Variants in DPH7 observed in about 807,000 individuals in gnomAD.
DPH7 encodes diphthine methyltransferase.
DPH7 carries 44 observed loss-of-function variants against 41.7 expected under a neutral mutation model. The ratio of observed to expected loss-of-function variants is 1.05; its 90% confidence interval spans 0.83 to 1.36. The LOEUF is 1.36. Among genes scored for constraint, DPH7 ranks in the 40% most tolerant of loss-of-function variants. The pLI, the probability that DPH7 is intolerant of heterozygous loss-of-function variation, is 0.00. For missense variants in DPH7, 629 were observed against 577.5 expected, an observed-to-expected ratio of 1.09 and a Z score of -0.91; for synonymous variants, 275 against 238.0, an observed-to-expected ratio of 1.16 and a Z score of -1.43.
intron 4 of DPH7, 182 bp from the exon 5 acceptor site, chr9:137,574,562 C>A (rs1300957113): frequency 6.0e-6 from 5 of 837,956 alleles, no homozygotes; most frequent in Non-Finnish European, 9.3e-6. Context: ...GTCGACTTCT[C>A]TAGGTAAAAA....
intron 3 of DPH7, chr9:137,575,047 C>T (rs916063663): frequency 4.4e-6 from 6 of 1,369,156 alleles, no homozygotes; most frequent in African/African-American, 1.5e-5. Flanking sequence ...GGAGCTCACA[C>T]TCCTCACACT....
At chr9:137,565,293 A>G in intron 5 of DPH7, 139 bp from the exon 6 acceptor site, 1 of 506,396 alleles carries the variant, frequency 2.0e-6, no homozygotes, top group Non-Finnish European at 3.3e-6. Context: ...GTCTGTGAGG[A>G]AGCTCCCCTG....
chr9:137,556,820 G>A lies in DPH7; in HGVS notation c.950-1172C>T, dbSNP rs1464204796. 2 of 456,610 alleles carry A rather than the reference G, an allele frequency of 4.4e-6. No individual in the cohort carries two copies. Among genetic ancestry groups the A allele is most frequent in the South Asian group, 3.1e-5 (2 of 64,566 alleles). The allele number at this position is 456,610 out of a possible 1,614,324, so 28.3% of individuals were successfully genotyped here. A position where few individuals can be genotyped will look rare whatever the true frequency, so the allele number is the denominator to read the frequency against. On this transcript the variant is annotated intron_variant, in intron 8 of 8. Transcript: ENST00000277540. This position sits in a 1 kb window ranked among gnomAD's most constrained non-coding sequence, Gnocchi z 5.2. ...CCAGCAGGACCTCTTCTACAGCTTA[G>A]GAAAAGGTAATAAGGCAGAGTCTAA...
chr9:137,555,500 G>T lies in DPH7; in HGVS notation c.1098C>A (p.Asp366Glu), dbSNP rs768613421. ...TTGGCAACTCGCTTGCACCCTTCAGGTCTGCCGTCTTGGTTCCTAGGTTGC... is the reference window on the plus strand; with the variant it reads ...TTGGCAACTCGCTTGCACCCTTCAGTTCTGCCGTCTTGGTTCCTAGGTTGC... ...FPSNLGTKTADLKGASELPTP... is the reference protein window; with the variant it reads ...FPSNLGTKTAELKGASELPTP... The change falls in exon 9 of 9, where the codon GAC (aspartate) becomes GAA (glutamate). Residue 366 changes from aspartate (D) to glutamate (E), a missense_variant. By Grantham distance (45) the Asp-to-Glu change is conservative. Coordinates refer to ENST00000277540, the MANE Select transcript of DPH7 (RefSeq NM_138778.5). The T allele has an allele frequency of 5.0e-6, 8 of 1,613,992 alleles. No individual in the cohort carries two copies. The highest frequency in any genetic ancestry group is 2.5e-6 in the Non-Finnish European group (3 of 1,180,020).
In DPH7 at chr9:137,565,210, A is replaced by G. The variant is rs981678360; in HGVS notation, c.641-56T>C. On this transcript the variant is annotated intron_variant, in intron 5 of 8. Transcript: ENST00000277540. Reference sequence around the variant, plus strand: ...CTAATGACAGGAAATGAGTGTTCTCAGTTAGGCCGTTGATGTCTGTGAGGA... The same window carrying G: ...CTAATGACAGGAAATGAGTGTTCTCGGTTAGGCCGTTGATGTCTGTGAGGA... The G allele has an allele frequency of 8.8e-6, 14 of 1,584,256 alleles. No individual in the cohort carries two copies. In the Admixed American group the frequency reaches 2.0e-4, roughly 23 times the overall value.
At position 137,556,310 on chromosome 9, in the gene DPH7, G is replaced by A. The variant is rs929606781; in HGVS notation, c.950-662C>T. The stretch of plus-strand genomic sequence containing the variant: ...GGCGTGGCCAAACCCGAGGCGATCT[G>A]GAGTCCAGGAGGCAAGGCCAGGGCT... On this transcript the variant is annotated intron_variant, in intron 8 of 8. Coordinates refer to ENST00000277540, the MANE Select transcript of DPH7 (RefSeq NM_138778.5). This position sits in a 1 kb window ranked among gnomAD's most constrained non-coding sequence, Gnocchi z 5.2. Among the ~76,000 whole-genome samples the A allele has an allele frequency of 1.3e-5, 2 of 152,232 alleles. No homozygotes were observed. The highest frequency in any genetic ancestry group is 3.8e-4 in the East Asian group (2 of 5,198).
At chr9:137,565,243 C>G in intron 5 of DPH7, 89 bp from the exon 6 acceptor site, 1 of 1,297,060 alleles carries the variant, frequency 7.7e-7, no homozygotes, top group South Asian at 1.3e-5. Context: ...GGAAGCTCCC[C>G]GGGGTGACTG....
intron 8 of DPH7, among the ~76,000 whole-genome samples, chr9:137,559,916 CTT>C (rs201576274): frequency 0.015 from 2,220 of 152,332 alleles, 66 homozygotes; most frequent in African/African-American, 0.051. Context: ...TGTCTTGTGT[CTT>C]TATTTCTACA....
intron 8 of DPH7, among the ~76,000 whole-genome samples, chr9:137,563,110 A>G (rs1838905389): frequency 6.6e-6 from 1 of 152,228 alleles, no homozygotes; most frequent in South Asian, 2.1e-4. Flanking sequence ...GCACCACCAC[A>G]CTCCAGCCTG....
At chr9:137,569,460 ACCATCCAT>A (rs1294658223) in intron 5 of DPH7, among the ~76,000 whole-genome samples, 1 of 117,628 alleles carries the variant, frequency 8.5e-6, no homozygotes, top group African/African-American at 3.3e-5. Flanking sequence ...TCACTCACCC[ACCATCCAT>A]CCATCCATCC....
chr9:137,569,471 A>C (rs1489027754), intron 5 of DPH7, among the ~76,000 whole-genome samples: 6 of 115,306 alleles, frequency 5.2e-5, no homozygotes, highest in South Asian at 3.2e-4. Flanking sequence ...CCATCCATCC[A>C]TCCATCCATC....
rs1588962617 is a variant in DPH7 at position 137,578,873 on chromosome 9, A to C, written c.-96T>G. 3 of 1,258,542 alleles carry C rather than the reference A, an allele frequency of 2.4e-6. No homozygotes were observed. Among genetic ancestry groups the C allele is most frequent in the Non-Finnish European group, 2.0e-6 (2 of 981,004 alleles). 78.0% of individuals were successfully genotyped at this position (1,258,542 alleles called of 1,614,324 possible). ...GGGCGGCGAGGCCGGGGCCGGCCGG[A>C]CGAGCGCAGAGCCCCAGGGACACCG... On this transcript the variant is annotated 5_prime_UTR_variant, in exon 1 of 9. Transcript: ENST00000277540.
chr9:137,560,371 G>C (rs906784150), intron 8 of DPH7, among the ~76,000 whole-genome samples: 1 of 152,070 alleles, frequency 6.6e-6, no homozygotes, highest in African/African-American at 2.4e-5. Context: ...GTGGGGCAAG[G>C]ACAGAAAAAT....
At chr9:137,559,606 G>C (rs950244495) in intron 8 of DPH7, among the ~76,000 whole-genome samples, 2 of 152,214 alleles carry the variant, frequency 1.3e-5, no homozygotes, top group Non-Finnish European at 2.9e-5. Flanking sequence ...CTAGATAGCA[G>C]TAGTCAATTA....
At chr9:137,565,321 A>G (rs1588866806) in intron 5 of DPH7, 167 bp from the exon 6 acceptor site, 1 of 166,382 alleles carries the variant, frequency 6.0e-6, no homozygotes. Context: ...GTCTGTGAGG[A>G]AGCTCCCCGG....
Position 137,555,007 on chromosome 9 carries a change from C to A in DPH7, c.*232G>T. ...ACTTAACAAATCTGCAAGCTGGAAA[C>A]CGCGTCTTTTCCCCACTCTCTGCCA... On this transcript the variant is annotated 3_prime_UTR_variant, in exon 9 of 9. Transcript: ENST00000277540. The A allele has an allele frequency of 4.7e-6, 2 of 428,290 alleles. No homozygotes were observed. Among genetic ancestry groups the A allele is most frequent in the East Asian group, 3.6e-5 (1 of 27,710 alleles). 26.5% of individuals were successfully genotyped at this position (428,290 alleles called of 1,614,324 possible).
rs60351056 is a variant in DPH7, at chr9:137,573,923, G to C, written c.640+285C>G. On this transcript the variant is annotated intron_variant, in intron 5 of 8. Transcript: ENST00000277540. Reference sequence around the variant, plus strand: ...TCTACTAAAAACACAAAAATTAGCTGGGTGTGGTGGCAGGCGCCTGTAATC... The same window carrying C: ...TCTACTAAAAACACAAAAATTAGCTCGGTGTGGTGGCAGGCGCCTGTAATC... Among the ~76,000 whole-genome samples, 767 of 152,164 alleles carry C rather than the reference G, an allele frequency of 5.0e-3. 9 individuals carry two copies. The highest frequency in any genetic ancestry group is 0.018 in the African/African-American group (740 of 41,494).
chr9:137,558,063 A>C (rs1245755101), intron 8 of DPH7, among the ~76,000 whole-genome samples: 1 of 151,468 alleles, frequency 6.6e-6, no homozygotes, highest in Non-Finnish European at 1.5e-5. Flanking sequence ...TTGAACCCGG[A>C]AGGTGGGAGT....
rs549125337 is a variant in DPH7, at chr9:137,576,228, G to A, written c.288-61C>T. The stretch of plus-strand genomic sequence containing the variant: ...CCCGGAGCACAGGCGTGCACTGTGC[G>A]TCCCGGTAACCACAGTCACGCTTCC... On this transcript the variant is annotated intron_variant, in intron 2 of 8. Transcript: ENST00000277540. 272 of 1,465,782 alleles carry A rather than the reference G, an allele frequency of 1.9e-4. No homozygotes were observed. In the East Asian group the frequency reaches 5.5e-3, roughly 30 times the overall value. The allele number at this position is 1,465,782 out of a possible 1,614,324, so 90.8% of individuals were successfully genotyped here. A position where few individuals can be genotyped will look rare whatever the true frequency, so the allele number is the denominator to read the frequency against.
Sources: gnomAD v4.1 joint callset for allele counts (sites outside exome capture counted in the v4.1 genomes callset) on GRCh38, gnomAD v4.1.1 for gene constraint, Gnocchi (gnomAD v3.1) non-coding constraint, MANE v1.5 for transcripts, NCBI Gene and HGNC (gene_info 2026-07-23, HGNC 2026-07-21) for gene names.